Variants in SLC35F1 observed in about 807,000 individuals in gnomAD.
The protein encoded by SLC35F1 is chromosome 6 open reading frame 169.
A neutral mutation model predicts 48.7 loss-of-function variants in SLC35F1; 14 were observed. That is an observed-to-expected ratio of 0.29 (90% CI 0.19 to 0.45). The LOEUF (loss-of-function observed/expected upper bound fraction) is 0.45, where lower values mean the gene tolerates loss of function less well. Ranked by LOEUF, SLC35F1 falls within the 20% of genes least tolerant of loss-of-function variation. The pLI, the probability that SLC35F1 is intolerant of heterozygous loss-of-function variation, is 1.00. For synonymous variants in SLC35F1, 190 were observed against 202.2 expected (o/e 0.94, Z 0.51); for missense variants, 404 against 500.0 (o/e 0.81, Z 1.83).
At chr6:118,011,197 C>A (rs182651020) in intron 1 of SLC35F1, among the ~76,000 whole-genome samples, 1 of 152,052 alleles carries the variant, frequency 6.6e-6, no homozygotes, top group African/African-American at 2.4e-5. Context: ...ATAAGGAATG[C>A]GTTATTAGTC....
chr6:118,261,872 G>A (rs934072788), intron 3 of SLC35F1, among the ~76,000 whole-genome samples: 8 of 152,208 alleles, frequency 5.3e-5, no homozygotes, highest in Admixed American at 1.3e-4. Context: ...GCAGTTGCCC[G>A]AAGCCCCTGG....
At chr6:118,039,275 A>G (rs1772176870) in intron 1 of SLC35F1, among the ~76,000 whole-genome samples, 1 of 151,678 alleles carries the variant, frequency 6.6e-6, no homozygotes. Flanking sequence ...GTTCATGTCA[A>G]GATTTTTTTT....
chr6:118,063,025 T>G (rs1772563786), intron 1 of SLC35F1, among the ~76,000 whole-genome samples: 1 of 152,134 alleles, frequency 6.6e-6, no homozygotes, highest in Non-Finnish European at 1.5e-5. Flanking sequence ...ATTTATATTA[T>G]CGGGGAAAAG....
chr6:118,251,816 A>G (rs1205385535), intron 3 of SLC35F1, among the ~76,000 whole-genome samples: 1 of 152,156 alleles, frequency 6.6e-6, no homozygotes, highest in African/African-American at 2.4e-5. Flanking sequence ...CATATATTAT[A>G]TACACTTTCC....
intron 3 of SLC35F1, among the ~76,000 whole-genome samples, chr6:118,254,314 C>G (rs984044744): frequency 6.6e-6 from 1 of 152,156 alleles, no homozygotes; most frequent in African/African-American, 2.4e-5. Flanking sequence ...ATTTTTCTTG[C>G]TCTGTCACAT....
chr6:118,281,695 G>T (rs1775986800), intron 6 of SLC35F1, among the ~76,000 whole-genome samples: 2 of 152,154 alleles, frequency 1.3e-5, no homozygotes, highest in African/African-American at 4.8e-5. Context: ...CTCTTGGGTT[G>T]TGAGTAACTC....
chr6:118,094,884 C>T (rs556193493), intron 1 of SLC35F1, among the ~76,000 whole-genome samples: 31 of 152,046 alleles, frequency 2.0e-4, no homozygotes, highest in African/African-American at 6.5e-4. Context: ...AGGAGAGTCA[C>T]TTGAACCCAG....
chr6:118,301,800 C>T (rs1776257357), intron 7 of SLC35F1, among the ~76,000 whole-genome samples: 1 of 152,126 alleles, frequency 6.6e-6, no homozygotes, highest in Middle Eastern at 3.2e-3. Context: ...TGGCTGAGTT[C>T]CAATAAAACT....
At chr6:118,300,763 C>T (rs1192254461) in intron 7 of SLC35F1, among the ~76,000 whole-genome samples, 2 of 152,200 alleles carry the variant, frequency 1.3e-5, no homozygotes, top group African/African-American at 4.8e-5. Context: ...TACTAACTTA[C>T]AGTCATATGC....
At chr6:118,124,363 TGGTTTAAA>T (rs1225577104) in intron 1 of SLC35F1, among the ~76,000 whole-genome samples, 1 of 152,190 alleles carries the variant, frequency 6.6e-6, no homozygotes, top group African/African-American at 2.4e-5. Flanking sequence ...CTGATTGACT[TGGTTTAAA>T]AGATAAAATC....
At chr6:117,989,589 C>T (rs1267196675) in intron 1 of SLC35F1, among the ~76,000 whole-genome samples, 1 of 152,164 alleles carries the variant, frequency 6.6e-6, no homozygotes, top group Non-Finnish European at 1.5e-5. Flanking sequence ...ACTGTAATTT[C>T]TGAATTTATA....
chr6:118,118,579 T>G (rs1230703694), intron 1 of SLC35F1, among the ~76,000 whole-genome samples: 1 of 152,254 alleles, frequency 6.6e-6, no homozygotes, highest in Non-Finnish European at 1.5e-5. Context: ...TCTTTTCACA[T>G]GCTTCATGCC....
intron 7 of SLC35F1, among the ~76,000 whole-genome samples, chr6:118,305,833 A>G (rs918754986): frequency 1.3e-5 from 2 of 152,176 alleles, no homozygotes; most frequent in Admixed American, 1.3e-4. Flanking sequence ...AACTGGTCAC[A>G]TGGTTGCAGC....
intron 1 of SLC35F1, among the ~76,000 whole-genome samples, chr6:117,981,852 T>C (rs1489875800): frequency 3.9e-5 from 6 of 152,200 alleles, no homozygotes; most frequent in Admixed American, 1.3e-4. Flanking sequence ...GTTATCAGCA[T>C]TGTTTTTACA....
chr6:118,261,844 T>C (rs73512525), intron 3 of SLC35F1, among the ~76,000 whole-genome samples: 7,473 of 152,102 alleles, frequency 0.049, 647 homozygotes, highest in African/African-American at 0.17. Context: ...CCCACCCCTC[T>C]GGGGCTGGGA....
At chr6:117,943,724 G>A (rs1776261324) in intron 1 of SLC35F1, among the ~76,000 whole-genome samples, 1 of 152,174 alleles carries the variant, frequency 6.6e-6, no homozygotes, top group Non-Finnish European at 1.5e-5. Flanking sequence ...CCAAATAAAA[G>A]TTTCCCATAT....
chr6:117,969,504 C>T (rs1211507202), intron 1 of SLC35F1, among the ~76,000 whole-genome samples: 2 of 152,088 alleles, frequency 1.3e-5, no homozygotes, highest in Non-Finnish European at 2.9e-5. Context: ...GAGGTAGGAT[C>T]GCTTGAGATG....
chr6:118,093,139 A>C (rs1773099673), intron 1 of SLC35F1, among the ~76,000 whole-genome samples: 1 of 152,084 alleles, frequency 6.6e-6, no homozygotes, highest in South Asian at 2.1e-4. Flanking sequence ...AATGTGGTGA[A>C]ACCCCATCTC....
At chr6:118,238,231 C>T (rs1775390921) in intron 3 of SLC35F1, among the ~76,000 whole-genome samples, 1 of 152,036 alleles carries the variant, frequency 6.6e-6, no homozygotes. Context: ...ATTTCAAGGA[C>T]CTCTGTACCT....
Sources: gnomAD v4.1 joint callset for allele counts (sites outside exome capture counted in the v4.1 genomes callset) on GRCh38, gnomAD v4.1.1 for gene constraint, MANE v1.5 for transcripts, NCBI Gene and HGNC (gene_info 2026-07-23, HGNC 2026-07-21) for gene names.